CCDC74A: variants seen among roughly 807,000 people sequenced by gnomAD.
The protein encoded by CCDC74A is coiled-coil domain-containing protein 74A.
A neutral mutation model predicts 37.6 loss-of-function variants in CCDC74A; 38 were observed. That is an observed-to-expected ratio of 1.01 (90% CI 0.78 to 1.33). The LOEUF (loss-of-function observed/expected upper bound fraction) is 1.33, where lower values mean the gene tolerates loss of function less well. Ranked by LOEUF, CCDC74A falls within the 40% of genes most tolerant of loss-of-function variation. The probability of loss-of-function intolerance (pLI) is 0.00; values close to 1 mark genes in which losing one functional copy is unlikely to be tolerated. For missense variants in CCDC74A, 340 were observed against 403.4 expected (o/e 0.84, Z 1.35); for synonymous variants, 134 against 165.2 (o/e 0.81, Z 1.45).
upstream of CCDC74A, among the ~76,000 whole-genome samples, chr2:131,523,216 T>G (rs367644787): frequency 2.6e-5 from 4 of 152,222 alleles, no homozygotes; most frequent in Non-Finnish European, 4.4e-5. Context: ...AGGCCTCTTA[T>G]GTAGCCTTCA....
chr2:131,532,968 C>T, intron 6 of CCDC74A, 31 bp downstream of exon 6: 2 of 1,613,976 alleles, frequency 1.2e-6, no homozygotes, highest in Non-Finnish European at 1.7e-6. Context: ...TGCCCCATCC[C>T]TGGGGTCCTA....
At chr2:131,527,858 CCGCCTCG>C, upstream of CCDC74A, 1 of 1,401,232 alleles carries the variant, frequency 7.1e-7, no homozygotes, top group Non-Finnish European at 9.3e-7. Flanking sequence ...CCCCCGCCAA[CCGCCTCG>C]CGCCTTCCGT....
chr2:131,526,320 A>AT (rs1314616181), upstream of CCDC74A, among the ~76,000 whole-genome samples: 1 of 138,388 alleles, frequency 7.2e-6, no homozygotes, highest in East Asian at 2.2e-4. Context: ...TAATTTTTGT[A>AT]TTTTTTAGTA....
chr2:131,529,527 A>G (rs763586479), intron 1 of CCDC74A, 120 bp from the exon 2 acceptor site: 7 of 1,350,086 alleles, frequency 5.2e-6, no homozygotes, highest in Middle Eastern at 1.8e-4. Context: ...GCAGGGCCCA[A>G]TCAGCCAGTG....
chr2:131,532,289 A>C (rs564991853), intron 4 of CCDC74A, among the ~76,000 whole-genome samples: 5 of 115,150 alleles, frequency 4.3e-5, no homozygotes, highest in Non-Finnish European at 7.9e-5. Flanking sequence ...TGCACATCCC[A>C]AGACCAGGCC....
upstream of CCDC74A, among the ~76,000 whole-genome samples, chr2:131,522,886 AC>A (rs1426697789): frequency 1.3e-5 from 2 of 152,134 alleles, no homozygotes; most frequent in Non-Finnish European, 2.9e-5. Context: ...AATAACCCTG[AC>A]ATTTCCAATA....
At chr2:131,525,473 C>T (rs1680265761), upstream of CCDC74A, among the ~76,000 whole-genome samples, 1 of 152,128 alleles carries the variant, frequency 6.6e-6, no homozygotes, top group Non-Finnish European at 1.5e-5. Flanking sequence ...CTGCTTTGGC[C>T]TCTCAAAGTG....
upstream of CCDC74A, among the ~76,000 whole-genome samples, chr2:131,522,794 C>T (rs146656450): frequency 0.028 from 4,261 of 152,274 alleles, 88 homozygotes; most frequent in Middle Eastern, 0.068. Flanking sequence ...CAAGCAGAGG[C>T]CCTGTGCAGT....
chr2:131,523,342 T>C (rs1286336453), upstream of CCDC74A, among the ~76,000 whole-genome samples: 2 of 152,190 alleles, frequency 1.3e-5, no homozygotes, highest in Non-Finnish European at 2.9e-5. Flanking sequence ...GAATTCCTAC[T>C]TTTGGCCAGG....
At chr2:131,530,189 G>A (rs1322634635) in intron 2 of CCDC74A, 1 of 1,548,980 alleles carries the variant, frequency 6.5e-7, no homozygotes, top group Non-Finnish European at 8.7e-7. Flanking sequence ...CTGTTTCCTT[G>A]CCACTTGTCC....
Position 131,532,782 on chromosome 2 carries a change from G to T in CCDC74A, c.678+1G>T. 6.2e-7 allele frequency: 1 copy of T among 1,613,386 alleles called. No individual in the cohort carries two copies. Among genetic ancestry groups the T allele is most frequent in the Middle Eastern group, 1.7e-4 (1 of 5,946 alleles). On this transcript the variant is annotated splice_donor_variant, in intron 5 of 7. Transcript: ENST00000409856. LOFTEE classifies it high-confidence loss of function. ...TACCAACCTCCTGCAGACCCAAGAGGTGAGGCCCTGGGTGGTGGGGGTGGC... is the reference window on the plus strand; with the variant it reads ...TACCAACCTCCTGCAGACCCAAGAGTTGAGGCCCTGGGTGGTGGGGGTGGC...
Position 131,529,323 on chromosome 2 carries a change from T to C in CCDC74A, c.251-324T>C, listed in dbSNP as rs1368700307. On this transcript the variant is annotated intron_variant, in intron 1 of 7. Transcript: ENST00000409856. ...CCTGATCCCCACGGGATCATGACACTGCCATAGCCAGGGGTTCCGGAGTTC... is the reference window on the plus strand; with the variant it reads ...CCTGATCCCCACGGGATCATGACACCGCCATAGCCAGGGGTTCCGGAGTTC... 42 of 546,798 alleles carry C rather than the reference T, an allele frequency of 7.7e-5. No individual in the cohort carries two copies. In the East Asian group the frequency reaches 1.2e-3, roughly 16 times the overall value. 33.9% of individuals were successfully genotyped at this position (546,798 alleles called of 1,614,324 possible). A position where few individuals can be genotyped will look rare whatever the true frequency, so the allele number is the denominator to read the frequency against.
upstream of CCDC74A, among the ~76,000 whole-genome samples, chr2:131,525,380 G>C (rs769394225): frequency 3.3e-5 from 5 of 151,990 alleles, no homozygotes; most frequent in Admixed American, 6.6e-5. Context: ...CACCATGCAG[G>C]CAAATTTTTT....
intron 4 of CCDC74A, 32 bp from the exon 5 acceptor site, chr2:131,532,557 G>C (rs369236637): frequency 1.2e-5 from 19 of 1,525,648 alleles, no homozygotes; most frequent in Non-Finnish European, 1.6e-5. Context: ...ACCTGGGCAG[G>C]TCACCTCTGG....
rs1559440464 is a variant in CCDC74A at position 131,533,288 on chromosome 2, G to A, written c.829G>A (p.Glu277Lys). ...CCCCAGCCTGAGCCCACCTGTGGCG[G>A]AGCGTGCCATCCTGCCCGCACTGAA... is the stretch of plus-strand genomic sequence containing the variant. ...SKKCLSPPVA[E>K]RAILPALKQT... The change falls in exon 8 of 8, where the codon GAG becomes AAG. Residue 277 changes from glutamate to lysine, a missense_variant. Coordinates refer to ENST00000409856, the MANE Select transcript of CCDC74A (RefSeq NM_001258306.3). 4 of 1,613,062 alleles carry A rather than the reference G, an allele frequency of 2.5e-6. No individual in the cohort carries two copies. Among genetic ancestry groups the A allele is most frequent in the African/African-American group, 2.7e-5 (2 of 75,034 alleles).
In CCDC74A at chr2:131,528,126, C is replaced by T. The variant is rs1482866347; in HGVS notation, c.156C>T (p.Asp52=). The T allele has an allele frequency of 3.1e-6, 5 of 1,613,900 alleles. No individual in the cohort carries two copies. The highest frequency in any genetic ancestry group is 2.7e-5 in the African/African-American group (2 of 75,048). The change falls in exon 1 of 8, where the codon GAC becomes GAT. Residue 52 remains aspartate (D), a synonymous_variant. Transcript: ENST00000409856. ...GCGACCCGCAGAAACGGAACCTGGA[C>T]CTGGAGAAAAGCCTGCAGTTCCTGC... ...RQSDPQKRNL[D]LEKSLQFLQQ... is the part of the protein sequence containing the mutation.
chr2:131,529,824 G>A (rs1441943398), intron 2 of CCDC74A, 133 bp downstream of exon 2: 1 of 1,532,590 alleles, frequency 6.5e-7, no homozygotes, highest in Non-Finnish European at 8.8e-7. Flanking sequence ...TGGGGGACCT[G>A]GACAGATGCC....
At chr2:131,528,526 G>C (rs1462377609) in intron 1 of CCDC74A, 5 of 1,356,870 alleles carry the variant, frequency 3.7e-6, no homozygotes, top group Non-Finnish European at 5.1e-6. Flanking sequence ...ACTTTATAGA[G>C]GGGCCCGGGC....
At chr2:131,523,303 C>T (rs1188060562), upstream of CCDC74A, among the ~76,000 whole-genome samples, 4 of 152,102 alleles carry the variant, frequency 2.6e-5, no homozygotes, top group Admixed American at 1.3e-4. Context: ...CACAAGGTGC[C>T]GAAATATATC....
Sources: allele counts gnomAD v4.1 joint callset (sites outside exome capture counted in the v4.1 genomes callset), GRCh38; gene constraint gnomAD v4.1.1; transcripts MANE v1.5; gene names NCBI Gene and HGNC (gene_info 2026-07-23, HGNC 2026-07-21).